Variants in MYRIP observed in about 807,000 individuals in gnomAD.
MYRIP encodes the protein myosin VIIA and Rab interacting protein.
In MYRIP, 49 loss-of-function variants were observed where a neutral mutation model predicts 98.0. The observed-to-expected ratio is 0.50, with a 90% CI of 0.40 to 0.63. The LOEUF (loss-of-function observed/expected upper bound fraction) is 0.63, where lower values mean the gene tolerates loss of function less well. Among genes scored for constraint, MYRIP ranks in the 30% least tolerant of loss-of-function variants. The probability of loss-of-function intolerance (pLI) is 0.00; values close to 1 mark genes in which losing one functional copy is unlikely to be tolerated. For synonymous variants in MYRIP, 404 were observed against 409.5 expected, an observed-to-expected ratio of 0.99 and a Z score of 0.16; for missense variants, 1,004 against 1,058.2, an observed-to-expected ratio of 0.95 and a Z score of 0.71.
chr3:39,842,504 G>T (rs1194915645), intron 1 of MYRIP, among the ~76,000 whole-genome samples: 1 of 152,148 alleles, frequency 6.6e-6, no homozygotes, highest in Admixed American at 6.5e-5. Context: ...TGCCACTGGG[G>T]TATGAAAGAA....
intron 4 of MYRIP, among the ~76,000 whole-genome samples, chr3:40,154,589 C>T (rs1307071743): frequency 2.0e-5 from 3 of 152,104 alleles, no homozygotes; most frequent in South Asian, 2.1e-4. Flanking sequence ...ATCTGCAGGA[C>T]GTGCAGGTTT....
At chr3:40,116,086 G>A (rs780050003) in intron 3 of MYRIP, among the ~76,000 whole-genome samples, 2 of 152,074 alleles carry the variant, frequency 1.3e-5, no homozygotes, top group Non-Finnish European at 2.9e-5. Context: ...GCCAGCTGCA[G>A]TGCTCCCTGG....
At chr3:40,182,086 C>T in intron 8 of MYRIP, 134 bp from the exon 9 acceptor site, 1 of 968,814 alleles carries the variant, frequency 1.0e-6, no homozygotes, top group Non-Finnish European at 1.5e-6. Context: ...GCTTTTAAGG[C>T]TCACGTGAAA....
intron 2 of MYRIP, among the ~76,000 whole-genome samples, chr3:40,015,301 G>A (rs1470357042): frequency 7.9e-5 from 12 of 152,210 alleles, no homozygotes; most frequent in Non-Finnish European, 1.6e-4. Flanking sequence ...AATTTGTTCA[G>A]GTTTGTTGCA....
chr3:39,940,152 C>T (rs895904489), intron 2 of MYRIP, among the ~76,000 whole-genome samples: 2 of 152,044 alleles, frequency 1.3e-5, no homozygotes, highest in African/African-American at 4.8e-5. Context: ...ATCATACATA[C>T]ATAAATCTGC....
At chr3:39,984,051 G>A (rs1298799665) in intron 2 of MYRIP, among the ~76,000 whole-genome samples, 3 of 152,130 alleles carry the variant, frequency 2.0e-5, no homozygotes, top group Non-Finnish European at 4.4e-5. Flanking sequence ...TGCAGCAGAT[G>A]ACTGAAACAT....
At chr3:39,952,476 A>G (rs987102786) in intron 2 of MYRIP, among the ~76,000 whole-genome samples, 1 of 152,190 alleles carries the variant, frequency 6.6e-6, no homozygotes, top group Non-Finnish European at 1.5e-5. Flanking sequence ...GGTATATTAC[A>G]TTAATTGGAT....
At chr3:39,951,181 TG>T (rs1945005067) in intron 2 of MYRIP, among the ~76,000 whole-genome samples, 1 of 152,198 alleles carries the variant, frequency 6.6e-6, no homozygotes, top group Non-Finnish European at 1.5e-5. Context: ...CAAACTTTGA[TG>T]TGATGTCAGT....
intron 3 of MYRIP, among the ~76,000 whole-genome samples, chr3:40,082,288 A>G (rs1297428076): frequency 6.6e-6 from 1 of 152,208 alleles, no homozygotes; most frequent in Non-Finnish European, 1.5e-5. Context: ...AAAGAGATAA[A>G]TGCACTCTCA....
At chr3:40,144,399 C>G (rs1478549846) in intron 3 of MYRIP, among the ~76,000 whole-genome samples, 2 of 152,184 alleles carry the variant, frequency 1.3e-5, no homozygotes, top group Admixed American at 6.5e-5. Context: ...TGGTATCCAG[C>G]CTTCCAGAAC....
intron 10 of MYRIP, among the ~76,000 whole-genome samples, chr3:40,191,889 G>T (rs1951220010): frequency 6.6e-6 from 1 of 152,150 alleles, no homozygotes; most frequent in Non-Finnish European, 1.5e-5. Flanking sequence ...TGATTCACTT[G>T]CAGGTGTAAA....
intron 2 of MYRIP, among the ~76,000 whole-genome samples, chr3:40,012,079 C>T (rs948012960): frequency 2.0e-5 from 3 of 152,088 alleles, no homozygotes; most frequent in African/African-American, 7.2e-5. Context: ...AATGTTAATA[C>T]CCAGTTTATT....
At chr3:39,844,022 C>T (rs1941887573) in intron 1 of MYRIP, among the ~76,000 whole-genome samples, 1 of 152,190 alleles carries the variant, frequency 6.6e-6, no homozygotes, top group Non-Finnish European at 1.5e-5. Context: ...CCACAGATGT[C>T]ATCTTGTCTA....
intron 2 of MYRIP, among the ~76,000 whole-genome samples, chr3:39,944,600 G>A (rs1041402620): frequency 3.3e-5 from 5 of 152,024 alleles, no homozygotes; most frequent in South Asian, 2.1e-4. Context: ...GGTAGCTAGA[G>A]GACAGAATTT....
At chr3:39,829,137 C>T (rs1035378956) in intron 1 of MYRIP, among the ~76,000 whole-genome samples, 3 of 152,152 alleles carry the variant, frequency 2.0e-5, no homozygotes, top group Non-Finnish European at 4.4e-5. Context: ...ATGTCAACAT[C>T]CACTGTTTTT....
chr3:40,224,583 G>T (rs1177064308), intron 11 of MYRIP, among the ~76,000 whole-genome samples: 1 of 152,026 alleles, frequency 6.6e-6, no homozygotes, highest in East Asian at 1.9e-4. Flanking sequence ...GACAATACTA[G>T]GTACCATCAA....
At chr3:40,168,887 T>C (rs1341722211) in intron 7 of MYRIP, among the ~76,000 whole-genome samples, 1 of 152,236 alleles carries the variant, frequency 6.6e-6, no homozygotes, top group African/African-American at 2.4e-5. Flanking sequence ...AAGTGCCGTA[T>C]GCAGGAAGTG....
In MYRIP at chr3:40,043,990, C is replaced by T. The variant is rs1014323389; in HGVS notation, c.111-60C>T. The stretch of plus-strand genomic sequence containing the variant: ...ACAGGGTGCATGCTTTGGGGAGACA[C>T]CCCCTGACCTGATGTTGTGTTTCTC... On this transcript the variant is annotated intron_variant, in intron 2 of 16. Coordinates refer to ENST00000302541, the MANE Select transcript of MYRIP (RefSeq NM_015460.4). 7.9e-6 allele frequency: 12 copies of T among 1,518,890 alleles called. No individual in the cohort carries two copies. The African/African-American group carries it at 8.2e-5, about 10-fold the overall frequency. 94.1% of individuals were successfully genotyped at this position (1,518,890 alleles called of 1,614,324 possible). A position where few individuals can be genotyped will look rare whatever the true frequency, so the allele number is the denominator to read the frequency against.
chr3:40,258,137 CCTGCTCTGGAGTCAGCTGTGATGTA>C lies in MYRIP; in HGVS notation c.2555_2579del (p.Ala852AspfsTer9), dbSNP rs755563768. The C allele has an allele frequency of 7.6e-5, 123 of 1,614,046 alleles. No homozygotes were observed. The highest frequency in any genetic ancestry group is 9.7e-5 in the Non-Finnish European group (115 of 1,179,988). On this transcript the variant is annotated frameshift_variant, in exon 17 of 17. Coordinates refer to ENST00000302541, the MANE Select transcript of MYRIP (RefSeq NM_015460.4). LOFTEE classifies it high-confidence loss of function. ...TGTGTTCAATGTCTCACCTCAGGAG[CCTGCTCTGGAGTCAGCTGTGATGTA>C]CTGACACCATGGAATTCCACTGCCA...
Sources: gnomAD v4.1 joint callset for allele counts (sites outside exome capture counted in the v4.1 genomes callset) on GRCh38, gnomAD v4.1.1 for gene constraint, MANE v1.5 for transcripts, NCBI Gene and HGNC (gene_info 2026-07-23, HGNC 2026-07-21) for gene names.